Variants in ATP9B observed in about 807,000 individuals in gnomAD.
The protein encoded by ATP9B is probable phospholipid-transporting ATPase IIB.
A neutral mutation model predicts 146.1 loss-of-function variants in ATP9B; 110 were observed. That is an observed-to-expected ratio of 0.75 (90% CI 0.65 to 0.88). The LOEUF (loss-of-function observed/expected upper bound fraction) is 0.88. ATP9B is among the 40% of genes least tolerant of loss of function. ATP9B has a pLI of 0.00. For synonymous variants in ATP9B, 604 were observed against 569.7 expected, an observed-to-expected ratio of 1.06 and a Z score of -0.86; for missense variants, 1,499 against 1,496.4, an observed-to-expected ratio of 1.00 and a Z score of -0.03.
At chr18:79,202,414 C>A (rs1253745638) in intron 9 of ATP9B, among the ~76,000 whole-genome samples, 1 of 152,148 alleles carries the variant, frequency 6.6e-6, no homozygotes, top group Non-Finnish European at 1.5e-5. Flanking sequence ...GCTGTAATTT[C>A]TTTTGCAAAC....
At position 79,193,169 on chromosome 18, in the gene ATP9B, G is replaced by A. The variant is rs1030138686; in HGVS notation, c.874-14G>A. On this transcript the variant is annotated splice_polypyrimidine_tract_variant and intron_variant, in intron 8 of 29. Transcript: ENST00000426216. ...CTATAACATTCTAATCGATTCAAATGTTCTGTATTCCAGGACCTTTTTTCT... is the reference window on the plus strand; with the variant it reads ...CTATAACATTCTAATCGATTCAAATATTCTGTATTCCAGGACCTTTTTTCT... 1.9e-6 allele frequency: 3 copies of A among 1,558,478 alleles called. No individual in the cohort carries two copies. Among genetic ancestry groups the A allele is most frequent in the African/African-American group, 1.4e-5 (1 of 73,554 alleles).
intron 12 of ATP9B, among the ~76,000 whole-genome samples, chr18:79,258,958 C>T (rs2096112826): frequency 6.6e-6 from 1 of 152,216 alleles, no homozygotes; most frequent in South Asian, 2.1e-4. Context: ...AATAATGATA[C>T]ATTCTAGTAT....
chr18:79,339,610 A>T (rs1007220024), intron 19 of ATP9B, among the ~76,000 whole-genome samples: 2 of 151,418 alleles, frequency 1.3e-5, no homozygotes, highest in African/African-American at 2.4e-5. Context: ...GAGGTGTGTC[A>T]TGATCGCAAT....
In ATP9B at chr18:79,193,420, A is replaced by G. The variant is rs142962902; in HGVS notation, c.954+157A>G. 5.3e-5 allele frequency among the ~76,000 whole-genome samples: 8 copies of G among 152,370 alleles called. No individual in the cohort carries two copies. In the East Asian group the frequency reaches 1.5e-3, roughly 29 times the overall value. ...ATGTTTGAAGTTCTTAAGTGTACCCATATTAAATATGTCTTTGGGATACAT... is the reference window on the plus strand; with the variant it reads ...ATGTTTGAAGTTCTTAAGTGTACCCGTATTAAATATGTCTTTGGGATACAT... On this transcript the variant is annotated intron_variant, in intron 9 of 29. Transcript: ENST00000426216.
intron 1 of ATP9B, among the ~76,000 whole-genome samples, chr18:79,079,377 C>T (rs2072999844): frequency 6.6e-6 from 1 of 152,166 alleles, no homozygotes; most frequent in African/African-American, 2.4e-5. Context: ...GATGGTATCT[C>T]ATTGTGGTTT....
intron 26 of ATP9B, among the ~76,000 whole-genome samples, chr18:79,370,279 T>C (rs972155009): frequency 6.6e-6 from 1 of 152,244 alleles, no homozygotes; most frequent in Non-Finnish European, 1.5e-5. Flanking sequence ...TTTTATTTCA[T>C]GCACGTGAGC....
chr18:79,103,917 A>G (rs1444288088), intron 2 of ATP9B, among the ~76,000 whole-genome samples: 3 of 152,066 alleles, frequency 2.0e-5, no homozygotes. Context: ...TGCTTAGGCT[A>G]AGTGCTTTTC....
At chr18:79,151,899 G>T (rs1186501509) in intron 6 of ATP9B, among the ~76,000 whole-genome samples, 4 of 152,126 alleles carry the variant, frequency 2.6e-5, no homozygotes, top group African/African-American at 7.2e-5. Flanking sequence ...GCAACCTACA[G>T]AATGGGAGAA....
intron 8 of ATP9B, among the ~76,000 whole-genome samples, chr18:79,177,711 A>C (rs1172795886): frequency 6.6e-6 from 1 of 151,904 alleles, no homozygotes; most frequent in Non-Finnish European, 1.5e-5. Context: ...TAGGCACATA[A>C]AAGTGTTTTT....
intron 11 of ATP9B, 79 bp from the exon 12 acceptor site, chr18:79,253,302 A>G (rs2096048521): frequency 7.8e-7 from 1 of 1,288,416 alleles, no homozygotes; most frequent in Admixed American, 2.6e-5. Flanking sequence ...TTTTTATGTC[A>G]TCACTACCAT....
intron 3 of ATP9B, among the ~76,000 whole-genome samples, chr18:79,112,164 T>C (rs1446288280): frequency 6.6e-6 from 1 of 152,192 alleles, no homozygotes; most frequent in Non-Finnish European, 1.5e-5. Flanking sequence ...GCAGACTCTC[T>C]AGTTGAGCAA....
intron 7 of ATP9B, among the ~76,000 whole-genome samples, chr18:79,163,624 A>G (rs940661817): frequency 5.9e-5 from 9 of 152,088 alleles, no homozygotes; most frequent in Non-Finnish European, 1.2e-4. Context: ...ATGCACTGCA[A>G]CCTTTCTTGT....
intron 8 of ATP9B, among the ~76,000 whole-genome samples, chr18:79,181,765 T>C (rs980002037): frequency 6.6e-6 from 1 of 152,244 alleles, no homozygotes; most frequent in African/African-American, 2.4e-5. Context: ...TCTCTCATTT[T>C]TGTTGTTTAA....
At chr18:79,192,308 A>C (rs1189647522) in intron 8 of ATP9B, among the ~76,000 whole-genome samples, 1 of 152,070 alleles carries the variant, frequency 6.6e-6, no homozygotes, top group Admixed American at 6.5e-5. Context: ...AAATTATAGA[A>C]ATGGCAAACT....
intron 25 of ATP9B, among the ~76,000 whole-genome samples, chr18:79,348,484 A>T (rs2096904434): frequency 2.0e-5 from 3 of 152,230 alleles, no homozygotes; most frequent in African/African-American, 7.2e-5. Context: ...CCGTGGCAGA[A>T]GGCGGAGGGG....
intron 8 of ATP9B, among the ~76,000 whole-genome samples, chr18:79,179,323 T>G (rs1344835373): frequency 6.6e-6 from 1 of 152,124 alleles, no homozygotes; most frequent in Non-Finnish European, 1.5e-5. Context: ...CTACATAGTT[T>G]ATAATTTTTT....
At chr18:79,344,992 C>T (rs554531322) in intron 21 of ATP9B, among the ~76,000 whole-genome samples, 11 of 152,310 alleles carry the variant, frequency 7.2e-5, no homozygotes, top group Non-Finnish European at 1.2e-4. Context: ...TGGGCTTAAT[C>T]GTCCTGGACC....
At chr18:79,175,756 A>G (rs1297356072) in intron 7 of ATP9B, among the ~76,000 whole-genome samples, 1 of 152,238 alleles carries the variant, frequency 6.6e-6, no homozygotes, top group African/African-American at 2.4e-5. Context: ...ACAAATACAT[A>G]TGTACACATG....
chr18:79,371,244 C>T (rs186245), intron 26 of ATP9B, among the ~76,000 whole-genome samples: 3 of 151,886 alleles, frequency 2.0e-5, no homozygotes, highest in African/African-American at 7.3e-5. Context: ...TGGTGGCAGG[C>T]GCCTATAGTC....
Sources: allele counts gnomAD v4.1 joint callset (sites outside exome capture counted in the v4.1 genomes callset), GRCh38; gene constraint gnomAD v4.1.1; transcripts MANE v1.5; gene names NCBI Gene and HGNC (gene_info 2026-07-23, HGNC 2026-07-21).